Variants in PAH observed in about 807,000 individuals in gnomAD.
PAH encodes the protein phenylalanine hydroxylase.
In PAH, 64 loss-of-function variants were observed where a neutral mutation model predicts 62.0. The observed-to-expected ratio is 1.03, with a 90% CI of 0.84 to 1.27. The LOEUF is 1.27. PAH is among the 50% of genes most tolerant of loss of function. The pLI is 0.00. For synonymous variants in PAH, 195 were observed against 196.2 expected, an observed-to-expected ratio of 0.99 and a Z score of 0.05; for missense variants, 579 against 542.8, an observed-to-expected ratio of 1.07 and a Z score of -0.66.
chr12:102,920,415 A>G (rs944341987), upstream of PAH, among the ~76,000 whole-genome samples: 1 of 152,222 alleles, frequency 6.6e-6, no homozygotes, highest in African/African-American at 2.4e-5. Context: ...GGAACATGTC[A>G]CAAGATGAGA....
In PAH at chr12:102,838,694, A is replaced by C. The variant is rs922359344; in HGVS notation, c.*481T>G. On this transcript the variant is annotated 3_prime_UTR_variant, in exon 13 of 13. Coordinates refer to ENST00000553106, the MANE Select transcript of PAH (RefSeq NM_000277.3). ...ACTTAAAGAAAATTTACTTAGGTACAATAACAAAGTAGTAATTGGAATCAT... is the reference window on the plus strand; with the variant it reads ...ACTTAAAGAAAATTTACTTAGGTACCATAACAAAGTAGTAATTGGAATCAT... 1.3e-5 allele frequency: 2 copies of C among 155,220 alleles called. No homozygotes were observed. Among genetic ancestry groups the C allele is most frequent in the Non-Finnish European group, 2.9e-5 (2 of 69,990 alleles). The allele number at this position is 155,220 out of a possible 1,614,324, so 9.6% of individuals were successfully genotyped here. A position where few individuals can be genotyped will look rare whatever the true frequency, so the allele number is the denominator to read the frequency against.
At chr12:102,892,477 A>C (rs561591694) in intron 3 of PAH, among the ~76,000 whole-genome samples, 5 of 152,378 alleles carry the variant, frequency 3.3e-5, no homozygotes, top group Admixed American at 3.3e-4. Flanking sequence ...ACACAAAAAA[A>C]CTGCACATAA....
chr12:102,854,880 C>G, intron 6 of PAH: 1 of 543,812 alleles, frequency 1.8e-6, no homozygotes. Context: ...AAAGAAAATA[C>G]TTTTCAGGGA....
In PAH at chr12:102,875,153, G is replaced by A. The variant is rs139061653; in HGVS notation, c.441+2309C>T. ...AGGAACAGAGAGAGCCTGGCGCCTCGTCTTCAGGGAACTGTGTACCTGATA... is the reference window on the plus strand; with the variant it reads ...AGGAACAGAGAGAGCCTGGCGCCTCATCTTCAGGGAACTGTGTACCTGATA... On this transcript the variant is annotated intron_variant, in intron 4 of 12. Transcript: ENST00000553106. Among the ~76,000 whole-genome samples, 250 of 152,288 alleles carry A rather than the reference G, an allele frequency of 1.6e-3. 2 individuals carry two copies. The highest frequency in any genetic ancestry group is 3.0e-3 in the Admixed American group (46 of 15,294).
intron 1 of PAH, among the ~76,000 whole-genome samples, chr12:102,941,549 A>G (rs528611908): frequency 7.6e-4 from 116 of 152,300 alleles, no homozygotes; most frequent in Non-Finnish European, 1.5e-3. Flanking sequence ...ACAATGATAA[A>G]AAATAATGAA....
chr12:102,925,364 T>C (rs1384883625), intron 1 of PAH, among the ~76,000 whole-genome samples: 2 of 152,052 alleles, frequency 1.3e-5, no homozygotes, highest in African/African-American at 4.8e-5. Context: ...GAAGAAGCAT[T>C]TGTGGTTATT....
At chr12:102,932,288 G>C (rs1177257952) in intron 1 of PAH, among the ~76,000 whole-genome samples, 1 of 152,164 alleles carries the variant, frequency 6.6e-6, no homozygotes, top group Admixed American at 6.5e-5. Context: ...CTTATGAGAA[G>C]GAAATGGCAC....
intron 2 of PAH, among the ~76,000 whole-genome samples, chr12:102,900,243 G>A (rs1877697693): frequency 6.6e-6 from 1 of 151,778 alleles, no homozygotes; most frequent in Non-Finnish European, 1.5e-5. Flanking sequence ...TAGAGATGAG[G>A]TTTCACCGTG....
intron 1 of PAH, among the ~76,000 whole-genome samples, chr12:102,927,145 A>C (rs745696864): frequency 6.6e-6 from 1 of 152,116 alleles, no homozygotes; most frequent in East Asian, 1.9e-4. Flanking sequence ...AGGGACATCA[A>C]ATCCAAAGTT....
chr12:102,933,999 C>T (rs1039638329), intron 1 of PAH, among the ~76,000 whole-genome samples: 12 of 152,098 alleles, frequency 7.9e-5, no homozygotes, highest in Admixed American at 6.5e-4. Flanking sequence ...TGTGATATTA[C>T]TCAAGAGATC....
chr12:102,941,196 C>G (rs549506464), intron 1 of PAH, among the ~76,000 whole-genome samples: 5 of 152,162 alleles, frequency 3.3e-5, no homozygotes, highest in African/African-American at 1.2e-4. Flanking sequence ...AACAAAAAAC[C>G]ATTACTGGCC....
chr12:102,885,288 C>T (rs1477474993), intron 3 of PAH, among the ~76,000 whole-genome samples: 1 of 152,226 alleles, frequency 6.6e-6, no homozygotes, highest in East Asian at 1.9e-4. Flanking sequence ...CTTCCCCCTA[C>T]CCGGTCTCTC....
intron 7 of PAH, chr12:102,852,160 G>T (rs193184399): frequency 4.4e-6 from 1 of 226,966 alleles, no homozygotes; most frequent in Non-Finnish European, 8.8e-6. Flanking sequence ...TATTCCACTG[G>T]GAACTAAAAC....
chr12:102,939,741 T>C (rs75244738), intron 1 of PAH, among the ~76,000 whole-genome samples: 2,074 of 152,302 alleles, frequency 0.014, 29 homozygotes, highest in Middle Eastern at 0.027. Flanking sequence ...GCAGTGCTTA[T>C]GCTTTTCTCT....
At chr12:102,891,574 T>C (rs1877276071) in intron 3 of PAH, among the ~76,000 whole-genome samples, 1 of 152,222 alleles carries the variant, frequency 6.6e-6, no homozygotes, top group Non-Finnish European at 1.5e-5. Flanking sequence ...CATGCTCTGC[T>C]CTGTTCCCAG....
rs5030847 is a variant in PAH at position 102,852,903 on chromosome 12, G to A, written c.754C>T (p.Arg252Trp). ...LRPVAGLLSS[R>W]DFLGGLAFRV... The stretch of plus-strand genomic sequence containing the variant: ...AAGGCCAGGCCACCCAAGAAATCCC[G>A]AGAGGAAAGCAGGCCAGCCACAGGT... Residue 252 changes from arginine to tryptophan, a missense_variant, in exon 7 of 13, where the codon CGG (arginine) becomes TGG (tryptophan). Arg to Trp is a moderately radical substitution (Grantham distance 101). Transcript: ENST00000553106. 69 of 1,613,988 alleles carry A rather than the reference G, an allele frequency of 4.3e-5. No homozygotes were observed. Among genetic ancestry groups the A allele is most frequent in the East Asian group, 1.3e-4 (6 of 44,880 alleles).
At chr12:102,866,558 T>A (rs1260176306) in intron 5 of PAH, 38 bp downstream of exon 5, 3 of 1,552,574 alleles carry the variant, frequency 1.9e-6, no homozygotes, top group Non-Finnish European at 1.8e-6. Context: ...TAGGGGTGTG[T>A]TTTTCTCTCT....
chr12:102,904,724 C>T (rs368010842), intron 2 of PAH: 26 of 503,372 alleles, frequency 5.2e-5, no homozygotes, highest in Non-Finnish European at 9.8e-5. Flanking sequence ...GTAAACTGCA[C>T]AGCTTAAAGG....
At chr12:102,849,969 G>C (rs1418724535) in intron 8 of PAH, among the ~76,000 whole-genome samples, 2 of 152,200 alleles carry the variant, frequency 1.3e-5, no homozygotes, top group South Asian at 2.1e-4. Context: ...TTGTTGACTT[G>C]AGCAACTGTC....
Sources: allele counts gnomAD v4.1 joint callset (sites outside exome capture counted in the v4.1 genomes callset), GRCh38; gene constraint gnomAD v4.1.1; transcripts MANE v1.5; gene names NCBI Gene and HGNC (gene_info 2026-07-23, HGNC 2026-07-21).